TENM2: variants seen among roughly 807,000 people sequenced by gnomAD.
TENM2 encodes the protein teneurin transmembrane protein 2, also known as teneurin-2.
A neutral mutation model predicts 245.2 loss-of-function variants in TENM2; 52 were observed. The ratio of observed to expected loss-of-function variants is 0.21; its 90% CI spans 0.17 to 0.27. The LOEUF is 0.27. Ranked by LOEUF, TENM2 falls within the 10% of genes least tolerant of loss-of-function variation. The pLI, the probability that TENM2 is intolerant of heterozygous loss-of-function variation, is 1.00. For missense variants in TENM2, 3,046 were observed against 3,666.8 expected (o/e 0.83, Z 4.37); for synonymous variants, 1,363 against 1,438.9 (o/e 0.95, Z 1.19).
chr5:167,969,211 G>A (rs897564497), intron 4 of TENM2, among the ~76,000 whole-genome samples: 4 of 152,126 alleles, frequency 2.6e-5, no homozygotes, highest in East Asian at 1.9e-4. Context: ...CAATTCCCAC[G>A]TGTTGTGGTA....
At chr5:167,006,868 T>C in the TENM2 span, among the ~76,000 whole-genome samples, 1 of 152,124 alleles carries the variant, frequency 6.6e-6, no homozygotes, top group Admixed American at 6.5e-5. Flanking sequence ...GGTTTCTTCA[T>C]GTTGCTCAGG....
chr5:167,861,576 T>G (rs780017962), intron 2 of TENM2, among the ~76,000 whole-genome samples: 1 of 152,186 alleles, frequency 6.6e-6, no homozygotes, highest in South Asian at 2.1e-4. Flanking sequence ...CAGGCTGACC[T>G]ATGAAGATGG....
At chr5:167,049,123 G>A in the TENM2 span, among the ~76,000 whole-genome samples, 7 of 152,118 alleles carry the variant, frequency 4.6e-5, no homozygotes, top group Non-Finnish European at 5.9e-5. Context: ...TTAAGCTATA[G>A]GGCTATCATG....
intron 8 of TENM2, among the ~76,000 whole-genome samples, chr5:168,095,706 A>C (rs376733412): frequency 2.2e-4 from 33 of 152,304 alleles, no homozygotes; most frequent in African/African-American, 7.9e-4. Flanking sequence ...TTTTGCATAT[A>C]ATAAGTGCTC....
At chr5:168,007,224 A>T (rs1179371024) in intron 5 of TENM2, among the ~76,000 whole-genome samples, 1 of 151,454 alleles carries the variant, frequency 6.6e-6, no homozygotes, top group Non-Finnish European at 1.5e-5. Flanking sequence ...TGCCTCCCGG[A>T]TTCAAGCAAT....
chr5:168,018,233 CT>C (rs1436830160), intron 5 of TENM2, among the ~76,000 whole-genome samples: 3 of 152,102 alleles, frequency 2.0e-5, no homozygotes. Context: ...CACATTAAGT[CT>C]GATTTTTTTC....
intron 2 of TENM2, among the ~76,000 whole-genome samples, chr5:167,455,023 T>C (rs942056930): frequency 6.6e-6 from 1 of 152,248 alleles, no homozygotes; most frequent in South Asian, 2.1e-4. Flanking sequence ...TTTATTCTTT[T>C]GGCCCACAGT....
intron 1 of TENM2, among the ~76,000 whole-genome samples, chr5:167,337,436 T>A (rs1757846747): frequency 6.6e-6 from 1 of 152,148 alleles, no homozygotes; most frequent in South Asian, 2.1e-4. Flanking sequence ...AAGAGATGTT[T>A]TCAGCCAACT....
chr5:167,484,289 G>A (rs1243073280), intron 2 of TENM2, among the ~76,000 whole-genome samples: 1 of 152,106 alleles, frequency 6.6e-6, no homozygotes, highest in Non-Finnish European at 1.5e-5. Flanking sequence ...TCAGAATATG[G>A]CCTCATTTGT....
the TENM2 span, among the ~76,000 whole-genome samples, chr5:167,236,881 CTTTT>C: frequency 7.1e-6 from 1 of 141,392 alleles, no homozygotes. Context: ...ACTTCTATAC[CTTTT>C]TTTTTTTTTT....
intron 4 of TENM2, among the ~76,000 whole-genome samples, chr5:167,968,772 G>A (rs1238315467): frequency 6.6e-6 from 1 of 152,068 alleles, no homozygotes; most frequent in Non-Finnish European, 1.5e-5. Context: ...GAAGGCACAG[G>A]GAGCTATTAG....
At chr5:167,550,619 C>A (rs1039105200) in intron 2 of TENM2, among the ~76,000 whole-genome samples, 1 of 151,982 alleles carries the variant, frequency 6.6e-6, no homozygotes, top group African/African-American at 2.4e-5. Flanking sequence ...CACACTTACA[C>A]TGACAACACC....
At chr5:167,401,329 A>T (rs1581943056) in intron 2 of TENM2, among the ~76,000 whole-genome samples, 4 of 152,116 alleles carry the variant, frequency 2.6e-5, no homozygotes, top group Admixed American at 2.6e-4. Context: ...TATTCTGTCC[A>T]GGAGGACCTT....
the TENM2 span, among the ~76,000 whole-genome samples, chr5:167,239,060 G>C: frequency 2.0e-5 from 3 of 152,250 alleles, no homozygotes; most frequent in African/African-American, 7.2e-5. Context: ...ATCAGCAGAC[G>C]AAATAAATCC....
the TENM2 span, among the ~76,000 whole-genome samples, chr5:167,243,299 T>C: frequency 6.6e-6 from 1 of 152,216 alleles, no homozygotes; most frequent in East Asian, 1.9e-4. Flanking sequence ...GAATAATCCC[T>C]ATCATTGTTT....
At chr5:167,571,580 C>T (rs1774265741) in intron 2 of TENM2, among the ~76,000 whole-genome samples, 1 of 152,162 alleles carries the variant, frequency 6.6e-6, no homozygotes, top group Non-Finnish European at 1.5e-5. Flanking sequence ...AGGGAACCCA[C>T]CTCCTCACTA....
the TENM2 span, among the ~76,000 whole-genome samples, chr5:167,044,932 G>A: frequency 5.9e-5 from 9 of 152,176 alleles, no homozygotes; most frequent in East Asian, 1.9e-4. Flanking sequence ...AAGAGATGGT[G>A]TCCAGAGAAA....
the TENM2 span, among the ~76,000 whole-genome samples, chr5:167,132,674 A>G: frequency 6.6e-6 from 1 of 152,218 alleles, no homozygotes; most frequent in Non-Finnish European, 1.5e-5. Context: ...TCAAAATATC[A>G]TAGTGTTAAC....
At chr5:167,181,095 A>G in the TENM2 span, among the ~76,000 whole-genome samples, 1 of 152,004 alleles carries the variant, frequency 6.6e-6, no homozygotes, top group Non-Finnish European at 1.5e-5. Flanking sequence ...CAAGCAGAAT[A>G]GCACAGAGAT....
Sources: gnomAD v4.1 joint callset for allele counts (sites outside exome capture counted in the v4.1 genomes callset) on GRCh38, gnomAD v4.1.1 for gene constraint, MANE v1.5 for transcripts, NCBI Gene and HGNC (gene_info 2026-07-23, HGNC 2026-07-21) for gene names.